Variants in STXBP5 observed in about 807,000 individuals in gnomAD.
STXBP5 encodes syntaxin binding protein 5, also known as syntaxin-binding protein 5.
In STXBP5, 50 loss-of-function variants were observed where a neutral mutation model predicts 152.4. The ratio of observed to expected loss-of-function variants is 0.33; its 90% CI spans 0.26 to 0.42. The LOEUF (loss-of-function observed/expected upper bound fraction) is 0.42, where lower values mean the gene tolerates loss of function less well. Among genes scored for constraint, STXBP5 ranks in the 10% least tolerant of loss-of-function variants. STXBP5 has a pLI of 1.00. For synonymous variants in STXBP5, 492 were observed against 494.7 expected, an observed-to-expected ratio of 0.99 and a Z score of 0.07; for missense variants, 1,167 against 1,388.6, an observed-to-expected ratio of 0.84 and a Z score of 2.54.
At chr6:147,254,577 G>T (rs993836135) in intron 4 of STXBP5, among the ~76,000 whole-genome samples, 8 of 151,936 alleles carry the variant, frequency 5.3e-5, no homozygotes, top group Non-Finnish European at 8.8e-5. Context: ...AATCTACAAA[G>T]AACTTAAACA....
intron 21 of STXBP5, among the ~76,000 whole-genome samples, chr6:147,341,404 CGTA>C (rs374387137): frequency 1.6e-3 from 248 of 152,220 alleles, no homozygotes; most frequent in South Asian, 4.4e-3. Flanking sequence ...CTGAACTCAC[CGTA>C]TCATCCGATC....
intron 22 of STXBP5, 129 bp downstream of exon 22, chr6:147,353,502 T>A (rs909119899): frequency 1.9e-6 from 1 of 523,750 alleles, no homozygotes; most frequent in Non-Finnish European, 3.3e-6. Flanking sequence ...GCTTAAGGTT[T>A]AAACATTCTT....
rs114637794 is a variant in STXBP5 at position 147,378,627 on chromosome 6, T to C, written c.3194-4151T>C. Among the ~76,000 whole-genome samples, 1,261 of 152,022 alleles carry C rather than the reference T, an allele frequency of 8.3e-3. 21 individuals are homozygous for C. Among genetic ancestry groups the C allele is most frequent in the African/African-American group, 0.029 (1,212 of 41,494 alleles). On this transcript the variant is annotated intron_variant, in intron 26 of 27. Coordinates refer to ENST00000321680, the MANE Select transcript of STXBP5 (RefSeq NM_001127715.4). ...GGGAAGAACAAATGAAGTACTATAA[T>C]ACGAAACAGAAAACAAAACAGTCAT...
chr6:147,381,588 A>G (rs1284011973), intron 26 of STXBP5, among the ~76,000 whole-genome samples: 1 of 152,220 alleles, frequency 6.6e-6, no homozygotes, highest in Non-Finnish European at 1.5e-5. Context: ...ATAAATGTTC[A>G]TAGTAGCTTT....
intron 4 of STXBP5, among the ~76,000 whole-genome samples, chr6:147,256,337 A>G (rs1779363006): frequency 8.1e-6 from 1 of 123,228 alleles, no homozygotes; most frequent in Non-Finnish European, 1.7e-5. Flanking sequence ...GAAATGTAAT[A>G]TCATCTAGAA....
At chr6:147,305,117 G>A (rs1782021876) in intron 9 of STXBP5, among the ~76,000 whole-genome samples, 1 of 152,172 alleles carries the variant, frequency 6.6e-6, no homozygotes, top group Non-Finnish European at 1.5e-5. Flanking sequence ...GTTCCTGTGT[G>A]CTAAATGATC....
rs181701461 is a variant in STXBP5 at position 147,389,437 on chromosome 6, C to T, written c.*4682C>T. 27 of 151,944 alleles carry T rather than the reference C, an allele frequency of 1.8e-4. No homozygotes were observed. The East Asian group carries it at 4.4e-3, about 25-fold the overall frequency. 9.4% of individuals were successfully genotyped at this position (151,944 alleles called of 1,614,324 possible). ...CAAATTAATTTTAACAATATAGGCA[C>T]AATTCATTTACAAATTCAGTACAGT... On this transcript the variant is annotated 3_prime_UTR_variant, in exon 28 of 28. Transcript: ENST00000321680.
intron 2 of STXBP5, among the ~76,000 whole-genome samples, chr6:147,220,707 A>G (rs1479494820): frequency 6.6e-6 from 1 of 152,124 alleles, no homozygotes; most frequent in Non-Finnish European, 1.5e-5. Context: ...GATTAGTGAA[A>G]GCATGGCATA....
At chr6:147,229,227 C>T (rs1001541925) in intron 2 of STXBP5, among the ~76,000 whole-genome samples, 8 of 151,878 alleles carry the variant, frequency 5.3e-5, no homozygotes, top group East Asian at 1.9e-4. Flanking sequence ...TTAAGAATAT[C>T]GTATGTTTTA....
intron 25 of STXBP5, among the ~76,000 whole-genome samples, chr6:147,365,320 G>C (rs1198904083): frequency 6.6e-6 from 1 of 152,124 alleles, no homozygotes; most frequent in Non-Finnish European, 1.5e-5. Flanking sequence ...TTTTCTGTCG[G>C]AAGGATAAAC....
intron 2 of STXBP5, among the ~76,000 whole-genome samples, chr6:147,230,608 A>G (rs1431032551): frequency 2.0e-5 from 3 of 151,860 alleles, no homozygotes; most frequent in Non-Finnish European, 4.4e-5. Flanking sequence ...GATGATTTAT[A>G]ATAAAGCAGG....
chr6:147,379,122 CTT>C lies in STXBP5; in HGVS notation c.3194-3654_3194-3653del, dbSNP rs1785953328. 2.7e-5 allele frequency among the ~76,000 whole-genome samples: 4 copies of C among 149,890 alleles called. No homozygotes were observed. The South Asian group carries it at 8.5e-4, about 32-fold the overall frequency. ...CCCACAGCTGGAAAAAAAAAAAACT[CTT>C]TGCTTTTAAAGACCCATGTGATTAG... On this transcript the variant is annotated intron_variant, in intron 26 of 27. Transcript: ENST00000321680.
chr6:147,265,112 A>G (rs1436291900), intron 6 of STXBP5, among the ~76,000 whole-genome samples: 3 of 152,076 alleles, frequency 2.0e-5, no homozygotes. Flanking sequence ...CACATGTCCA[A>G]GATATTTGAA....
chr6:147,230,795 G>A (rs549149919), intron 2 of STXBP5, among the ~76,000 whole-genome samples: 6 of 151,888 alleles, frequency 4.0e-5, no homozygotes, highest in African/African-American at 1.4e-4. Context: ...GTGGCCTTGG[G>A]CAAGTTACTT....
chr6:147,294,536 T>C (rs1212586957), intron 9 of STXBP5, among the ~76,000 whole-genome samples: 5 of 152,136 alleles, frequency 3.3e-5, no homozygotes, highest in East Asian at 3.9e-4. Context: ...TGTTCACTTA[T>C]CGTGCTTCCA....
intron 16 of STXBP5, among the ~76,000 whole-genome samples, chr6:147,319,580 A>C (rs1365794975): frequency 6.6e-6 from 1 of 152,088 alleles, no homozygotes; most frequent in Non-Finnish European, 1.5e-5. Context: ...TGTATAATAA[A>C]ACTTTATAAA....
rs1786146462 is a variant in STXBP5, at chr6:147,382,675, G to A, written c.3194-103G>A. On this transcript the variant is annotated intron_variant, in intron 26 of 27. Transcript: ENST00000321680. ...TTCACTTTATAATTTTATTTCAGTT[G>A]TATTACCACTCAATCCAAAAATTGT... is the stretch of plus-strand genomic sequence containing the variant. 6 of 1,133,422 alleles carry A rather than the reference G, an allele frequency of 5.3e-6. No homozygotes were observed. The South Asian group carries it at 7.3e-5, about 14-fold the overall frequency. 70.2% of individuals were successfully genotyped at this position (1,133,422 alleles called of 1,614,324 possible).
At chr6:147,205,371 CATATATATATATATAT>C (rs66619063) in intron 1 of STXBP5, among the ~76,000 whole-genome samples, 4 of 141,862 alleles carry the variant, frequency 2.8e-5, no homozygotes, top group African/African-American at 1.0e-4. Context: ...TAAAAGTGTG[CATATATATATATATAT>C]ATATATATAT....
chr6:147,324,711 A>C (rs1783138279), intron 16 of STXBP5, among the ~76,000 whole-genome samples: 2 of 145,668 alleles, frequency 1.4e-5, no homozygotes, highest in Non-Finnish European at 1.5e-5. Context: ...CTTCCTCCTC[A>C]CCTCTTATTT....
Sources: gnomAD v4.1 joint callset for allele counts (sites outside exome capture counted in the v4.1 genomes callset) on GRCh38, gnomAD v4.1.1 for gene constraint, MANE v1.5 for transcripts, NCBI Gene and HGNC (gene_info 2026-07-23, HGNC 2026-07-21) for gene names.